Variants in OSBPL10 observed in about 807,000 individuals in gnomAD.
OSBPL10 encodes the protein oxysterol-binding protein-related protein 10.
OSBPL10 carries 49 observed loss-of-function variants against 81.7 expected under a neutral mutation model. That is an observed-to-expected ratio of 0.60 (90% CI 0.48 to 0.76). The LOEUF is 0.76. Among genes scored for constraint, OSBPL10 ranks in the 30% least tolerant of loss-of-function variants. The pLI is 0.00. For missense variants in OSBPL10, 923 were observed against 987.8 expected, an observed-to-expected ratio of 0.93 and a Z score of 0.88; for synonymous variants, 419 against 383.6, an observed-to-expected ratio of 1.09 and a Z score of -1.08.
chr3:31,665,659 C>T (rs1700171427), intron 10 of OSBPL10, among the ~76,000 whole-genome samples: 1 of 152,198 alleles, frequency 6.6e-6, no homozygotes, highest in Admixed American at 6.5e-5. Context: ...CTCCTCTTTC[C>T]ACTGTACCCT....
intron 1 of OSBPL10, among the ~76,000 whole-genome samples, chr3:31,936,920 C>T (rs577900265): frequency 6.6e-6 from 1 of 152,256 alleles, no homozygotes. Flanking sequence ...TATCTTTCTG[C>T]TTTCTAGATA....
In OSBPL10 at chr3:31,663,204, C is replaced by G. The variant is rs9845402; in HGVS notation, c.2250+875G>C. 626 of 985,186 alleles carry G rather than the reference C, an allele frequency of 6.4e-4. 5 individuals are homozygous for G. The African/African-American group carries it at 9.2e-3, about 15-fold the overall frequency. The allele number at this position is 985,186 out of a possible 1,614,324, so 61.0% of individuals were successfully genotyped here. ...AAAGCCCACAGATACATTTTGATTG[C>G]CTACTGGTATTTAAATTTTTTTAAA... On this transcript the variant is annotated intron_variant, in intron 11 of 11. Coordinates refer to ENST00000396556, the MANE Select transcript of OSBPL10 (RefSeq NM_017784.5).
At chr3:32,000,401 T>A (rs971049944) in intron 2 of OSBPL10, among the ~76,000 whole-genome samples, 1 of 152,232 alleles carries the variant, frequency 6.6e-6, no homozygotes, top group African/African-American at 2.4e-5. Flanking sequence ...CATAGCTATA[T>A]GACCTCTCTG....
chr3:31,887,052 C>T (rs1695756797), intron 1 of OSBPL10, among the ~76,000 whole-genome samples: 1 of 152,126 alleles, frequency 6.6e-6, no homozygotes, highest in Non-Finnish European at 1.5e-5. Flanking sequence ...TGAGACCCTC[C>T]CTACCCTCAG....
intron 7 of OSBPL10, among the ~76,000 whole-genome samples, chr3:31,695,043 C>T (rs562323828): frequency 2.0e-5 from 3 of 152,298 alleles, no homozygotes; most frequent in Admixed American, 6.5e-5. Flanking sequence ...CACAAGCCAC[C>T]CGGCCTCAAA....
intron 3 of OSBPL10, among the ~76,000 whole-genome samples, chr3:31,862,941 A>T (rs916699569): frequency 4.6e-5 from 7 of 152,218 alleles, no homozygotes; most frequent in Admixed American, 3.9e-4. Flanking sequence ...AATTTAAAAC[A>T]AACTCACACA....
intron 1 of OSBPL10, among the ~76,000 whole-genome samples, chr3:32,055,351 A>G (rs992615693): frequency 2.0e-5 from 3 of 151,690 alleles, no homozygotes; most frequent in Non-Finnish European, 2.9e-5. Context: ...TTACAGGTGC[A>G]TGCCACCACA....
chr3:31,764,847 G>C (rs1277427359), intron 4 of OSBPL10, among the ~76,000 whole-genome samples: 3 of 152,028 alleles, frequency 2.0e-5, no homozygotes, highest in Admixed American at 6.6e-5. Flanking sequence ...TGAGTTCCAG[G>C]CTCAACTTCC....
At chr3:32,012,923 G>C (rs575521465) in intron 2 of OSBPL10, among the ~76,000 whole-genome samples, 2 of 148,530 alleles carry the variant, frequency 1.3e-5, no homozygotes, top group African/African-American at 4.9e-5. Context: ...CCCAATACAG[G>C]AGCACCCAGA....
At chr3:31,749,797 AGAGT>A (rs1416512370) in intron 4 of OSBPL10, among the ~76,000 whole-genome samples, 2 of 152,092 alleles carry the variant, frequency 1.3e-5, no homozygotes, top group African/African-American at 4.8e-5. Flanking sequence ...CCTGGGTGAC[AGAGT>A]GAGACGCCAT....
chr3:31,770,837 A>G (rs1698360469), intron 4 of OSBPL10, among the ~76,000 whole-genome samples: 1 of 152,180 alleles, frequency 6.6e-6, no homozygotes, highest in African/African-American at 2.4e-5. Flanking sequence ...GAAAACTAAC[A>G]ATACATAATA....
At chr3:32,047,343 G>A (rs1468641352) in intron 1 of OSBPL10, among the ~76,000 whole-genome samples, 2 of 152,250 alleles carry the variant, frequency 1.3e-5, no homozygotes, top group Admixed American at 6.5e-5. Flanking sequence ...GAGTAGCACC[G>A]AGGGATGCTG....
intron 11 of OSBPL10, chr3:31,662,480 A>G (rs1055852858): frequency 6.8e-6 from 7 of 1,030,654 alleles, no homozygotes; most frequent in African/African-American, 5.1e-5. Context: ...AAGGGTGTGC[A>G]TACCAGTGAC....
intron 1 of OSBPL10, among the ~76,000 whole-genome samples, chr3:31,951,207 C>T (rs547017898): frequency 6.5e-4 from 98 of 151,380 alleles, no homozygotes; most frequent in African/African-American, 2.3e-3. Flanking sequence ...TGTTATACAG[C>T]ATTGAAAAGA....
At chr3:31,925,156 T>C (rs373692150) in intron 1 of OSBPL10, among the ~76,000 whole-genome samples, 2 of 152,254 alleles carry the variant, frequency 1.3e-5, no homozygotes, top group Admixed American at 1.3e-4. Context: ...ATTCAACATA[T>C]AGAACAGACT....
Position 31,739,009 on chromosome 3 carries a change from A to T in OSBPL10, c.941-5598T>A, listed in dbSNP as rs528894564. On this transcript the variant is annotated intron_variant, in intron 5 of 11. Coordinates refer to ENST00000396556, the MANE Select transcript of OSBPL10 (RefSeq NM_017784.5). Reference sequence around the variant, plus strand: ...CAGGCAAGTAAGACATTCACCTCAGATGTAAAATAAAAGGAAGCATCAAGA... The same window carrying T: ...CAGGCAAGTAAGACATTCACCTCAGTTGTAAAATAAAAGGAAGCATCAAGA... 9.3e-4 allele frequency among the ~76,000 whole-genome samples: 142 copies of T among 152,290 alleles called. 6 individuals carry two copies. The South Asian group carries it at 0.029, about 31-fold the overall frequency.
At chr3:31,769,313 T>C (rs967935401) in intron 4 of OSBPL10, among the ~76,000 whole-genome samples, 4 of 151,158 alleles carry the variant, frequency 2.6e-5, no homozygotes, top group African/African-American at 9.7e-5. Flanking sequence ...GGTGTGGTGG[T>C]GCACACCTGT....
chr3:31,944,633 T>G (rs1403253432), intron 1 of OSBPL10, among the ~76,000 whole-genome samples: 5 of 151,292 alleles, frequency 3.3e-5, no homozygotes, highest in Non-Finnish European at 7.4e-5. Flanking sequence ...AGGACAACTC[T>G]AATGCCTATA....
At chr3:31,780,943 A>G (rs994646690) in intron 4 of OSBPL10, among the ~76,000 whole-genome samples, 2 of 152,112 alleles carry the variant, frequency 1.3e-5, no homozygotes, top group Admixed American at 6.6e-5. Flanking sequence ...ATAAAGAGGG[A>G]ATCCTCCATA....
Sources: gnomAD v4.1 joint callset for allele counts (sites outside exome capture counted in the v4.1 genomes callset) on GRCh38, gnomAD v4.1.1 for gene constraint, MANE v1.5 for transcripts, NCBI Gene and HGNC (gene_info 2026-07-23, HGNC 2026-07-21) for gene names.